The following NAV3 variants were observed in gnomAD, a reference collection of about 807,000 sequenced individuals.
NAV3 encodes neuron navigator 3.
Under a neutral mutation model 244.7 loss-of-function variants are expected in NAV3, and 87 were observed. The observed-to-expected ratio is 0.36, with a 90% confidence interval of 0.30 to 0.42. NAV3 has a LOEUF of 0.42. Ranked by LOEUF, NAV3 falls within the 20% of genes least tolerant of loss-of-function variation. The pLI, the probability that NAV3 is intolerant of heterozygous loss-of-function variation, is 1.00. For synonymous variants in NAV3, 1,126 were observed against 1,042.2 expected, an observed-to-expected ratio of 1.08 and a Z score of -1.55; for missense variants, 2,663 against 2,893.3, an observed-to-expected ratio of 0.92 and a Z score of 1.83.
At chr12:77,834,520 C>T (rs1179484697) in intron 1 of NAV3, among the ~76,000 whole-genome samples, 2 of 152,162 alleles carry the variant, frequency 1.3e-5, no homozygotes, top group East Asian at 1.9e-4. Context: ...ATCCACAAGT[C>T]TGTATGGATT....
At chr12:77,886,834 G>A (rs1467100544) in intron 1 of NAV3, among the ~76,000 whole-genome samples, 1 of 151,998 alleles carries the variant, frequency 6.6e-6, no homozygotes, top group Non-Finnish European at 1.5e-5. Flanking sequence ...TCGGATATTG[G>A]TTTATACCCC....
intron 1 of NAV3, among the ~76,000 whole-genome samples, chr12:77,938,680 A>C (rs1239998197): frequency 6.6e-6 from 1 of 152,132 alleles, no homozygotes; most frequent in Non-Finnish European, 1.5e-5. Context: ...GACATATAAC[A>C]ATACTAGCAT....
At chr12:77,647,347 AT>A (rs1433457734) in intron 2 of NAV3, among the ~76,000 whole-genome samples, 1 of 152,150 alleles carries the variant, frequency 6.6e-6, no homozygotes, top group African/African-American at 2.4e-5. Context: ...GGTACACCAA[AT>A]TACATTTTAT....
At position 77,766,735 on chromosome 12, in the gene NAV3, GTTTTTTTTT is replaced by G. The variant is rs748531378; in HGVS notation, c.73-173556_73-173548del. Among the ~76,000 whole-genome samples, 36 of 60,514 alleles carry G rather than the reference GTTTTTTTTT, an allele frequency of 5.9e-4. 3 individuals are homozygous for G. The highest frequency in any genetic ancestry group is 2.5e-3 in the South Asian group (3 of 1,190). The allele number at this position is 60,514 out of a possible 152,430, so 39.7% of individuals were successfully genotyped here. A position where few individuals can be genotyped will look rare whatever the true frequency, so the allele number is the denominator to read the frequency against. On this transcript the variant is annotated intron_variant, in intron 2 of 8. Transcript: ENST00000550042. ...AGGATTCTAAAAAACAGGCAATTAAGTTTTTTTTTTTTTTTTTTTTTTTTTTTTTTTTTT... is the reference window on the plus strand; with the variant it reads ...AGGATTCTAAAAAACAGGCAATTAAGTTTTTTTTTTTTTTTTTTTTTTTTT...
At chr12:77,994,343 T>G (rs1325912591) in intron 5 of NAV3, among the ~76,000 whole-genome samples, 1 of 152,228 alleles carries the variant, frequency 6.6e-6, no homozygotes, top group Admixed American at 6.5e-5. Flanking sequence ...ATATTTAGAT[T>G]GAAAAAAGCA....
intron 25 of NAV3, 135 bp downstream of exon 25, chr12:78,175,562 C>A (rs968207403): frequency 1.6e-5 from 18 of 1,098,426 alleles, no homozygotes; most frequent in Admixed American, 5.0e-5. Flanking sequence ...AAATGCTGCA[C>A]TCATCACCAA....
chr12:77,834,033 C>T (rs1004644276), intron 1 of NAV3, among the ~76,000 whole-genome samples: 1 of 152,076 alleles, frequency 6.6e-6, no homozygotes, highest in African/African-American at 2.4e-5. Flanking sequence ...CAGTGTGTTC[C>T]TCTCGATGTC....
chr12:77,970,386 A>T (rs1892897728), intron 5 of NAV3, among the ~76,000 whole-genome samples: 1 of 152,064 alleles, frequency 6.6e-6, no homozygotes, highest in South Asian at 2.1e-4. Flanking sequence ...TTCAGAAATC[A>T]CTTCTCTTTC....
intron 3 of NAV3, among the ~76,000 whole-genome samples, chr12:77,953,673 C>A (rs146295183): frequency 1.3e-5 from 2 of 152,280 alleles, no homozygotes; most frequent in East Asian, 3.9e-4. Flanking sequence ...GCCCGCAAGG[C>A]GTTCCTTTGC....
intron 2 of NAV3, among the ~76,000 whole-genome samples, chr12:77,753,259 C>CT (rs1405565939): frequency 1.3e-5 from 2 of 152,204 alleles, no homozygotes; most frequent in Non-Finnish European, 2.9e-5. Flanking sequence ...AAGAAAACTA[C>CT]TTACCATTCT....
At chr12:77,698,021 T>A (rs1008485406) in intron 2 of NAV3, among the ~76,000 whole-genome samples, 3 of 152,092 alleles carry the variant, frequency 2.0e-5, no homozygotes, top group African/African-American at 7.2e-5. Context: ...AGAAGATAAT[T>A]TTTTTTCATG....
intron 2 of NAV3, among the ~76,000 whole-genome samples, chr12:77,593,410 C>G (rs1316984336): frequency 3.3e-5 from 5 of 151,350 alleles, no homozygotes; most frequent in African/African-American, 4.8e-5. Context: ...TTCCAAACAG[C>G]CAAAGTGGTG....
At chr12:77,667,280 G>T (rs184166318) in intron 2 of NAV3, among the ~76,000 whole-genome samples, 2 of 152,130 alleles carry the variant, frequency 1.3e-5, no homozygotes, top group African/African-American at 2.4e-5. Context: ...GAAGGAACTG[G>T]ATTGCTGCCG....
At chr12:77,874,475 T>C (rs1348314752) in intron 1 of NAV3, among the ~76,000 whole-genome samples, 1 of 152,086 alleles carries the variant, frequency 6.6e-6, no homozygotes, top group Non-Finnish European at 1.5e-5. Flanking sequence ...CCTCTCAAAG[T>C]ACTGGGATTA....
intron 1 of NAV3, among the ~76,000 whole-genome samples, chr12:77,885,513 G>A (rs1038451978): frequency 6.6e-6 from 1 of 152,016 alleles, no homozygotes; most frequent in Non-Finnish European, 1.5e-5. Context: ...AGTTGTATTG[G>A]CCATATATGA....
intron 12 of NAV3, among the ~76,000 whole-genome samples, chr12:78,074,574 C>T (rs560664373): frequency 4.6e-5 from 7 of 152,122 alleles, no homozygotes; most frequent in African/African-American, 7.2e-5. Flanking sequence ...CGTGGTGGCT[C>T]GTGCCTGTAT....
At chr12:78,043,242 C>G (rs1881190993) in intron 9 of NAV3, among the ~76,000 whole-genome samples, 2 of 152,124 alleles carry the variant, frequency 1.3e-5, no homozygotes, top group South Asian at 4.1e-4. Context: ...TCATCCATGT[C>G]CCTGCAAAGG....
chr12:77,842,754 C>A (rs1875905597), intron 1 of NAV3, among the ~76,000 whole-genome samples: 1 of 151,976 alleles, frequency 6.6e-6, no homozygotes, highest in African/African-American at 2.4e-5. Flanking sequence ...CCTTTCAGAC[C>A]ATGATAAGCA....
At chr12:77,973,288 A>G (rs887985951) in intron 5 of NAV3, among the ~76,000 whole-genome samples, 1 of 152,190 alleles carries the variant, frequency 6.6e-6, no homozygotes, top group African/African-American at 2.4e-5. Flanking sequence ...AGAAAATTGA[A>G]TGTGAAAGTA....
Sources: gnomAD v4.1 joint callset for allele counts (sites outside exome capture counted in the v4.1 genomes callset) on GRCh38, gnomAD v4.1.1 for gene constraint, MANE v1.5 for transcripts, NCBI Gene and HGNC (gene_info 2026-07-23, HGNC 2026-07-21) for gene names.